Variants in PPFIA2 observed in about 807,000 individuals in gnomAD.
PPFIA2 encodes the protein PPFI scaffold protein A2.
Under a neutral mutation model 175.5 loss-of-function variants are expected in PPFIA2, and 46 were observed. That is an observed-to-expected ratio of 0.26 (90% CI 0.21 to 0.34). The LOEUF (loss-of-function observed/expected upper bound fraction) is 0.34, where lower values mean the gene tolerates loss of function less well. PPFIA2 is among the 10% of genes least tolerant of loss of function. PPFIA2 has a pLI of 1.00. For synonymous variants in PPFIA2, 568 were observed against 511.4 expected (o/e 1.11, Z -1.49); for missense variants, 1,179 against 1,506.1 (o/e 0.78, Z 3.60).
chr12:81,711,471 T>C (rs1327393592), intron 3 of PPFIA2, among the ~76,000 whole-genome samples: 9 of 151,322 alleles, frequency 5.9e-5, no homozygotes, highest in Non-Finnish European at 1.3e-4. Context: ...ATCTATCTAT[T>C]TATCTATCTA....
At position 81,258,832 on chromosome 12, in the gene PPFIA2, A is replaced by C. The variant is rs775390214; in HGVS notation, c.*862T>G. On this transcript the variant is annotated 3_prime_UTR_variant, in exon 33 of 33. Coordinates refer to ENST00000549396, the MANE Select transcript of PPFIA2 (RefSeq NM_003625.5). ...GGCATTTCAAGATATTTGAATGAAC[A>C]TGTGGTTCTTAGTAAAGAAGTTTTT... is the stretch of plus-strand genomic sequence containing the variant. 6.6e-6 allele frequency: 1 copy of C among 152,004 alleles called. No individual in the cohort carries two copies. The highest frequency in any genetic ancestry group is 1.5e-5 in the Non-Finnish European group (1 of 68,068). 9.4% of individuals were successfully genotyped at this position (152,004 alleles called of 1,614,324 possible).
At chr12:81,685,279 C>A (rs2074267181) in intron 3 of PPFIA2, among the ~76,000 whole-genome samples, 1 of 152,014 alleles carries the variant, frequency 6.6e-6, no homozygotes, top group South Asian at 2.1e-4. Context: ...CCTCCTCAAC[C>A]AGACTTAAGC....
intron 22 of PPFIA2, among the ~76,000 whole-genome samples, chr12:81,324,894 T>C (rs1200466430): frequency 6.6e-6 from 1 of 151,954 alleles, no homozygotes; most frequent in Non-Finnish European, 1.5e-5. Context: ...AGTATATACT[T>C]CCCTATTATT....
intron 7 of PPFIA2, among the ~76,000 whole-genome samples, chr12:81,411,090 G>A (rs2043883523): frequency 6.6e-6 from 1 of 152,094 alleles, no homozygotes; most frequent in Non-Finnish European, 1.5e-5. Flanking sequence ...AGACAATACA[G>A]AGTATGCAAT....
chr12:81,685,026 T>C (rs1464544648), intron 3 of PPFIA2, among the ~76,000 whole-genome samples: 1 of 152,078 alleles, frequency 6.6e-6, no homozygotes, highest in Non-Finnish European at 1.5e-5. Context: ...AACATGTATG[T>C]CTGGCATTAA....
At chr12:81,532,246 G>T (rs1300796539) in intron 4 of PPFIA2, among the ~76,000 whole-genome samples, 1 of 151,764 alleles carries the variant, frequency 6.6e-6, no homozygotes, top group Non-Finnish European at 1.5e-5. Context: ...TATACCCTTG[G>T]GTTGTGGGGT....
At chr12:81,588,319 A>T (rs2075571515) in intron 4 of PPFIA2, among the ~76,000 whole-genome samples, 2 of 152,014 alleles carry the variant, frequency 1.3e-5, no homozygotes, top group Non-Finnish European at 2.9e-5. Context: ...AACTTCCAAA[A>T]TGTACTTACA....
At chr12:81,576,091 G>A (rs893913208) in intron 4 of PPFIA2, among the ~76,000 whole-genome samples, 2 of 151,460 alleles carry the variant, frequency 1.3e-5, no homozygotes, top group African/African-American at 2.4e-5. Flanking sequence ...GACCACACCA[G>A]CTTCCCTTCA....
chr12:81,665,975 G>T (rs963682496), intron 4 of PPFIA2, among the ~76,000 whole-genome samples: 2 of 152,102 alleles, frequency 1.3e-5, no homozygotes, highest in African/African-American at 4.8e-5. Context: ...CTTCTCAAAA[G>T]AAGACATTTA....
At chr12:81,370,484 T>G (rs544957291) in intron 11 of PPFIA2, among the ~76,000 whole-genome samples, 12 of 151,988 alleles carry the variant, frequency 7.9e-5, no homozygotes, top group Admixed American at 7.2e-4. Context: ...TGATTGAAAG[T>G]CCTCAAATTA....
At position 81,353,189 on chromosome 12, in the gene PPFIA2, C is replaced by T; in HGVS notation, c.1924G>A (p.Gly642Ser). The stretch of plus-strand genomic sequence containing the variant: ...GCTAGCGTCTGGGCATCGGAATGAC[C>T]ACTTGGAGAGAGAAGATCCATTGAG... Reference protein sequence around the residue: ...FSSMDLLSPSGHSDAQTLAMM... With the variant: ...FSSMDLLSPSSHSDAQTLAMM... Residue 642 changes from glycine to serine, a missense_variant, in exon 17 of 33, where the codon GGT becomes AGT. Around this residue, in one of 10 missense-constraint regions of PPFIA2, gnomAD observed 186 missense variants for 163.6 expected, o/e 1.14. Coordinates refer to ENST00000549396, the MANE Select transcript of PPFIA2 (RefSeq NM_003625.5). The T allele has an allele frequency of 6.2e-7, 1 of 1,613,774 alleles. No homozygotes were observed. Among genetic ancestry groups the T allele is most frequent in the Non-Finnish European group, 8.5e-7 (1 of 1,179,808 alleles).
chr12:81,752,921 G>A (rs2084043144), intron 3 of PPFIA2, among the ~76,000 whole-genome samples: 1 of 147,182 alleles, frequency 6.8e-6, no homozygotes. Flanking sequence ...ACCTAAAAGA[G>A]GCACAATTAT....
At chr12:81,705,154 A>G (rs1306756573) in intron 3 of PPFIA2, among the ~76,000 whole-genome samples, 1 of 150,348 alleles carries the variant, frequency 6.7e-6, no homozygotes, top group Non-Finnish European at 1.5e-5. Context: ...TATTGTTACA[A>G]AAATGAAAGA....
At chr12:81,297,358 T>C (rs1170914639) in intron 23 of PPFIA2, among the ~76,000 whole-genome samples, 1 of 152,148 alleles carries the variant, frequency 6.6e-6, no homozygotes, top group Non-Finnish European at 1.5e-5. Flanking sequence ...TAAACATCCT[T>C]TTAGTTGAAA....
intron 4 of PPFIA2, among the ~76,000 whole-genome samples, chr12:81,519,066 A>C (rs1236060453): frequency 6.6e-6 from 1 of 152,190 alleles, no homozygotes; most frequent in African/African-American, 2.4e-5. Context: ...TTTTTGTCAT[A>C]TAACATACTT....
At chr12:81,661,374 A>T (rs1222888675) in intron 4 of PPFIA2, among the ~76,000 whole-genome samples, 1 of 152,186 alleles carries the variant, frequency 6.6e-6, no homozygotes, top group Non-Finnish European at 1.5e-5. Flanking sequence ...CAAATGGAAA[A>T]CAGAAAAAGG....
chr12:81,718,070 TGA>T (rs2078872196), intron 3 of PPFIA2, among the ~76,000 whole-genome samples: 1 of 151,686 alleles, frequency 6.6e-6, no homozygotes, highest in Admixed American at 6.6e-5. Flanking sequence ...GGAACATTCC[TGA>T]GTGGTCATTA....
chr12:81,438,742 A>C (rs555701845), intron 7 of PPFIA2, among the ~76,000 whole-genome samples: 7 of 152,162 alleles, frequency 4.6e-5, no homozygotes, highest in Non-Finnish European at 7.4e-5. Context: ...ACATTCATAT[A>C]ATGTGTAAAG....
intron 4 of PPFIA2, among the ~76,000 whole-genome samples, chr12:81,550,827 A>G (rs561555162): frequency 3.4e-4 from 51 of 151,886 alleles, no homozygotes; most frequent in Non-Finnish European, 6.6e-4. Flanking sequence ...CTCTGGGGGG[A>G]AAATCTATAT....
Sources: allele counts gnomAD v4.1 joint callset (sites outside exome capture counted in the v4.1 genomes callset), GRCh38; gene constraint gnomAD v4.1.1; regional missense constraint gnomAD v4.1.1; transcripts MANE v1.5; gene names NCBI Gene and HGNC (gene_info 2026-07-23, HGNC 2026-07-21).